Variants in HEPHL1 observed in about 807,000 individuals in gnomAD.
The protein encoded by HEPHL1 is hephaestin like 1.
A neutral mutation model predicts 122.0 loss-of-function variants in HEPHL1; 123 were observed. The ratio of observed to expected loss-of-function variants is 1.01; its 90% confidence interval spans 0.87 to 1.17. HEPHL1 has a LOEUF of 1.17. HEPHL1 is among the 50% of genes most tolerant of loss of function. The probability of loss-of-function intolerance (pLI) is 0.00; values close to 1 mark genes in which losing one functional copy is unlikely to be tolerated. For missense variants in HEPHL1, 1,452 were observed against 1,430.5 expected (o/e 1.01, Z -0.24); for synonymous variants, 527 against 508.9 (o/e 1.04, Z -0.48).
At position 94,090,146 on chromosome 11, in the gene HEPHL1, T is replaced by G. The variant is rs145978787; in HGVS notation, c.2294+1178T>G. Reference sequence around the variant, plus strand: ...AGATTTCCCTTAAGAACAGGAGAATTTTAAATCCATTCAATTACTCACTAA... The same window carrying G: ...AGATTTCCCTTAAGAACAGGAGAATGTTAAATCCATTCAATTACTCACTAA... On this transcript the variant is annotated intron_variant, in intron 12 of 19. Coordinates refer to ENST00000315765, the MANE Select transcript of HEPHL1 (RefSeq NM_001098672.2). Among the ~76,000 whole-genome samples the G allele has an allele frequency of 7.4e-3, 1,123 of 152,216 alleles. 11 individuals carry two copies. The highest frequency in any genetic ancestry group is 0.026 in the African/African-American group (1,069 of 41,518).
In HEPHL1 at chr11:94,093,627, C is replaced by A. The variant is rs908057142; in HGVS notation, c.2421C>A (p.His807Gln). 1 of 1,613,216 alleles carries A rather than the reference C, an allele frequency of 6.2e-7. No homozygotes were observed. Among genetic ancestry groups the A allele is most frequent in the Non-Finnish European group, 8.5e-7 (1 of 1,179,676 alleles). ...AAGCCCGACCACCACGAGAGGAGCA[C>A]TTAGAACTCCTGGGTATGGCACAGA... ...EIKARPPREEHLELLGPMIHA... is the reference protein window; with the variant it reads ...EIKARPPREEQLELLGPMIHA... The change falls in exon 13 of 20, where the codon CAC (histidine) becomes CAA (glutamine). Residue 807 changes from histidine (H) to glutamine (Q), a missense_variant. Physicochemically the swap from His to Gln is conservative, Grantham distance 24. Coordinates refer to ENST00000315765, the MANE Select transcript of HEPHL1 (RefSeq NM_001098672.2).
At chr11:94,068,797 T>C (rs1184833092) in intron 5 of HEPHL1, among the ~76,000 whole-genome samples, 3 of 152,118 alleles carry the variant, frequency 2.0e-5, no homozygotes, top group Non-Finnish European at 4.4e-5. Flanking sequence ...CCTAAGATGA[T>C]GAAACCAAGA....
chr11:94,077,490 G>A (rs1946135591), intron 9 of HEPHL1, among the ~76,000 whole-genome samples: 1 of 151,912 alleles, frequency 6.6e-6, no homozygotes, highest in African/African-American at 2.4e-5. Context: ...TGGAGAATGG[G>A]GTATTCATCC....
chr11:94,021,685 TA>T, intron 1 of HEPHL1, 147 bp downstream of exon 1: 1 of 634,426 alleles, frequency 1.6e-6, no homozygotes, highest in Non-Finnish European at 2.7e-6. Flanking sequence ...TGAAGAGCCC[TA>T]GTATGGATGG....
intron 1 of HEPHL1, among the ~76,000 whole-genome samples, chr11:94,038,004 C>A (rs1414801075): frequency 6.1e-5 from 9 of 146,948 alleles, no homozygotes; most frequent in Admixed American, 5.4e-4. Context: ...ACTAGAATAA[C>A]CAATACAGAG....
At chr11:94,099,651 TG>T (rs1946350802) in intron 13 of HEPHL1, among the ~76,000 whole-genome samples, 2 of 152,176 alleles carry the variant, frequency 1.3e-5, no homozygotes, top group Admixed American at 1.3e-4. Flanking sequence ...CGAGCTGCGG[TG>T]GGCTCCACCC....
chr11:94,029,690 G>A (rs1422569804), intron 1 of HEPHL1, among the ~76,000 whole-genome samples: 1 of 152,204 alleles, frequency 6.6e-6, no homozygotes, highest in Non-Finnish European at 1.5e-5. Flanking sequence ...CCCCCTTGGG[G>A]TGACTATTGG....
rs900227676 is a variant in HEPHL1, at chr11:94,035,937, C to T, written c.171-9736C>T. On this transcript the variant is annotated intron_variant, in intron 1 of 19. Transcript: ENST00000315765. ...ATTTTTAGTAGAGACGGGGTTTCAC[C>T]GTGTTAGCCAGGATGGTCTCGATCT... Among the ~76,000 whole-genome samples the T allele has an allele frequency of 7.9e-5, 12 of 152,184 alleles. 1 individual carries two copies. In the East Asian group the frequency reaches 1.7e-3, roughly 22 times the overall value.
chr11:94,075,316 C>T lies in HEPHL1; in HGVS notation c.1647C>T (p.Asp549=). 1 of 1,613,518 alleles carries T rather than the reference C, an allele frequency of 6.2e-7. No individual in the cohort carries two copies. Among genetic ancestry groups the T allele is most frequent in the Non-Finnish European group, 8.5e-7 (1 of 1,179,646 alleles). ...LYFSAVDPIK[D]TSSGLVGPLL... ...TCTCAGCAGTTGATCCAATTAAGGA[C>T]ACCAGCTCTGGCCTGGTAGGGCCTT... is the stretch of plus-strand genomic sequence containing the variant. Residue 549 remains aspartate (D), a synonymous_variant, in exon 9 of 20, where the codon GAC becomes GAT. Transcript: ENST00000315765.
At chr11:94,067,226 T>C (rs1045370288) in intron 4 of HEPHL1, among the ~76,000 whole-genome samples, 4 of 152,204 alleles carry the variant, frequency 2.6e-5, no homozygotes, top group African/African-American at 9.7e-5. Flanking sequence ...TGACCTCATA[T>C]TGCGTTCCCA....
At chr11:94,041,207 C>T (rs1222090277) in intron 1 of HEPHL1, among the ~76,000 whole-genome samples, 2 of 150,844 alleles carry the variant, frequency 1.3e-5, no homozygotes, top group Non-Finnish European at 2.9e-5. Context: ...CAAGCCACTG[C>T]TCAAGGAAAT....
chr11:94,048,854 C>T (rs1170436971), intron 2 of HEPHL1, among the ~76,000 whole-genome samples: 1 of 152,118 alleles, frequency 6.6e-6, no homozygotes, highest in Non-Finnish European at 1.5e-5. Flanking sequence ...GACATGGTGG[C>T]TCATGCCTAT....
At chr11:94,081,664 C>A (rs147196389) in intron 9 of HEPHL1, among the ~76,000 whole-genome samples, 1 of 152,054 alleles carries the variant, frequency 6.6e-6, no homozygotes, top group African/African-American at 2.4e-5. Context: ...TTATTTCACT[C>A]AAAAATGTAT....
Position 94,082,586 on chromosome 11 carries a change from C to G in HEPHL1, c.1867+18C>G. ...AATGCATGGTATGACAAATGACATTCCCGCCTGTAAATGAAAGGCTGACTT... is the reference window on the plus strand; with the variant it reads ...AATGCATGGTATGACAAATGACATTGCCGCCTGTAAATGAAAGGCTGACTT... On this transcript the variant is annotated intron_variant, in intron 10 of 19. Transcript: ENST00000315765. 1 of 1,593,982 alleles carries G rather than the reference C, an allele frequency of 6.3e-7. No homozygotes were observed. Among genetic ancestry groups the G allele is most frequent in the Non-Finnish European group, 8.5e-7 (1 of 1,170,014 alleles).
chr11:94,028,740 A>C lies in HEPHL1; in HGVS notation c.170+7202A>C, dbSNP rs143438090. 4.0e-3 allele frequency among the ~76,000 whole-genome samples: 613 copies of C among 152,304 alleles called. 3 individuals carry two copies. Among genetic ancestry groups the C allele is most frequent in the African/African-American group, 0.014 (588 of 41,568 alleles). ...CGTGATAAACAACAGATGGCTCACC[A>C]ATGCAACATTCTAACAAATATACTC... On this transcript the variant is annotated intron_variant, in intron 1 of 19. Transcript: ENST00000315765.
intron 2 of HEPHL1, among the ~76,000 whole-genome samples, chr11:94,053,117 A>C (rs1945905719): frequency 6.6e-6 from 1 of 151,870 alleles, no homozygotes; most frequent in Admixed American, 6.6e-5. Context: ...TTCAGGGAGG[A>C]TCTTTAGTTA....
Position 94,042,875 on chromosome 11 carries a change from T to TAAAAAAAAAAAAAAAAA in HEPHL1, c.171-2796_171-2780dup, listed in dbSNP as rs58966846. Among the ~76,000 whole-genome samples, 110 of 63,082 alleles carry TAAAAAAAAAAAAAAAAA rather than the reference T, an allele frequency of 1.7e-3. 2 individuals are homozygous for TAAAAAAAAAAAAAAAAA. Among genetic ancestry groups the TAAAAAAAAAAAAAAAAA allele is most frequent in the African/African-American group, 2.5e-3 (37 of 14,880 alleles). 41.4% of individuals were successfully genotyped at this position (63,082 alleles called of 152,430 possible). A position where few individuals can be genotyped will look rare whatever the true frequency, so the allele number is the denominator to read the frequency against. ...ATGTACCCTAAAACTTAAAGTATAATAAAAAAAAAAAAAAAAAACTGCATG... is the reference window on the plus strand; with the variant it reads ...ATGTACCCTAAAACTTAAAGTATAATAAAAAAAAAAAAAAAAAAAAAAAAAAAAAAAAAAACTGCATG... On this transcript the variant is annotated intron_variant, in intron 1 of 19. Coordinates refer to ENST00000315765, the MANE Select transcript of HEPHL1 (RefSeq NM_001098672.2).
At chr11:94,042,883 A>AAAAACAAAAAAAAAAC (rs1555058774) in intron 1 of HEPHL1, among the ~76,000 whole-genome samples, 4 of 132,392 alleles carry the variant, frequency 3.0e-5, no homozygotes, top group African/African-American at 2.8e-5. Flanking sequence ...AATAAAAAAA[A>AAAAACAAAAAAAAAAC]AAAAAAAAAA....
Position 94,104,659 on chromosome 11 carries a change from G to A in HEPHL1, c.2814G>A (p.Trp938Ter). ...LFLVFNENES[W>*]YLDDNIKKYL... is the part of the protein sequence containing the mutation. Reference sequence around the variant, plus strand: ...TGGTATTTAATGAGAATGAATCCTGGTATCTGGATGACAATATTAAGAAGT... The same window carrying A: ...TGGTATTTAATGAGAATGAATCCTGATATCTGGATGACAATATTAAGAAGT... The change falls in exon 16 of 20, where the codon TGG becomes TGA. Residue 938 changes from tryptophan to a stop codon, truncating the protein, a stop_gained. Transcript: ENST00000315765. LOFTEE classifies it high-confidence loss of function. 1.2e-6 allele frequency: 2 copies of A among 1,613,160 alleles called. No homozygotes were observed. Among genetic ancestry groups the A allele is most frequent in the Admixed American group, 1.7e-5 (1 of 60,012 alleles).
Sources: gnomAD v4.1 joint callset for allele counts (sites outside exome capture counted in the v4.1 genomes callset) on GRCh38, gnomAD v4.1.1 for gene constraint, MANE v1.5 for transcripts, NCBI Gene and HGNC (gene_info 2026-07-23, HGNC 2026-07-21) for gene names.